The following SPIDR variants were observed in gnomAD, a reference collection of about 807,000 sequenced individuals.
SPIDR encodes the protein scaffold protein involved in DNA repair, also known as DNA repair-scaffolding protein.
A neutral mutation model predicts 104.6 loss-of-function variants in SPIDR; 93 were observed. The observed-to-expected ratio is 0.89, with a 90% confidence interval of 0.75 to 1.06. The LOEUF (loss-of-function observed/expected upper bound fraction) is 1.06. SPIDR is among the 50% of genes least tolerant of loss of function. SPIDR has a pLI of 0.00. For synonymous variants in SPIDR, 431 were observed against 416.9 expected, an observed-to-expected ratio of 1.03 and a Z score of -0.41; for missense variants, 1,154 against 1,111.2, an observed-to-expected ratio of 1.04 and a Z score of -0.55.
At chr8:47,697,697 T>C (rs2079546716) in intron 11 of SPIDR, 1 of 152,618 alleles carries the variant, frequency 6.6e-6, no homozygotes, top group South Asian at 2.1e-4. Flanking sequence ...CCATGTACCA[T>C]GCTGTCTCCT....
chr8:47,430,964 T>C (rs118107116), intron 7 of SPIDR, among the ~76,000 whole-genome samples: 2,082 of 152,340 alleles, frequency 0.014, 25 homozygotes, highest in Non-Finnish European at 0.019. Context: ...TGGTCATCAG[T>C]GTCAGTGTGT....
chr8:47,404,528 A>G (rs1397368973), intron 6 of SPIDR, among the ~76,000 whole-genome samples: 1 of 152,134 alleles, frequency 6.6e-6, no homozygotes, highest in African/African-American at 2.4e-5. Context: ...ACCCAATCAA[A>G]AAGTGGGCAA....
chr8:47,460,796 C>A (rs945016157), intron 8 of SPIDR, among the ~76,000 whole-genome samples: 9 of 152,096 alleles, frequency 5.9e-5, no homozygotes, highest in Non-Finnish European at 1.5e-5. Flanking sequence ...TCATGTGTTT[C>A]CAGGATTTGT....
chr8:47,685,325 G>GCA (rs1328837475), intron 11 of SPIDR, among the ~76,000 whole-genome samples: 1 of 152,044 alleles, frequency 6.6e-6, no homozygotes, highest in Non-Finnish European at 1.5e-5. Flanking sequence ...TTACCTTGCA[G>GCA]CACAGTAAGT....
chr8:47,401,150 C>T (rs1312430973), intron 6 of SPIDR, among the ~76,000 whole-genome samples: 2 of 152,184 alleles, frequency 1.3e-5, no homozygotes, highest in Non-Finnish European at 2.9e-5. Flanking sequence ...GGCAGACACT[C>T]TAGAAGCCAG....
chr8:47,311,990 A>G (rs2154255014), intron 5 of SPIDR, among the ~76,000 whole-genome samples: 1 of 151,982 alleles, frequency 6.6e-6, no homozygotes, highest in East Asian at 1.9e-4. Context: ...TGTCCTTGCG[A>G]TAGTTTGCTG....
intron 8 of SPIDR, chr8:47,511,856 C>T (rs1030392922): frequency 3.5e-5 from 29 of 838,714 alleles, no homozygotes; most frequent in African/African-American, 1.3e-4. Context: ...TCTGAGGCCC[C>T]GGCATAAAAC....
At chr8:47,727,720 TG>T (rs1290547519) in intron 17 of SPIDR, among the ~76,000 whole-genome samples, 26 of 152,354 alleles carry the variant, frequency 1.7e-4, no homozygotes, top group African/African-American at 6.0e-4. Context: ...CCTCAGGGTC[TG>T]GGCCAGTGTC....
intron 8 of SPIDR, among the ~76,000 whole-genome samples, chr8:47,524,904 C>T (rs1390027752): frequency 6.6e-6 from 1 of 152,124 alleles, no homozygotes; most frequent in South Asian, 2.1e-4. Context: ...ATTTCTGATA[C>T]AATTTAGTAA....
chr8:47,403,206 A>C (rs1450798611), intron 6 of SPIDR, among the ~76,000 whole-genome samples: 2 of 152,234 alleles, frequency 1.3e-5, no homozygotes, highest in Non-Finnish European at 2.9e-5. Flanking sequence ...GACATATCTC[A>C]AAATAATAAG....
At chr8:47,532,468 C>T (rs1033384829) in intron 8 of SPIDR, among the ~76,000 whole-genome samples, 1 of 152,168 alleles carries the variant, frequency 6.6e-6, no homozygotes, top group African/African-American at 2.4e-5. Context: ...CATTGATCAA[C>T]AGAAAGCTGG....
At chr8:47,465,687 G>C (rs2074649826) in intron 8 of SPIDR, among the ~76,000 whole-genome samples, 1 of 152,046 alleles carries the variant, frequency 6.6e-6, no homozygotes, top group African/African-American at 2.4e-5. Context: ...GCTGAGCCAG[G>C]ATCACACCAC....
At chr8:47,682,104 A>G (rs954726445) in intron 11 of SPIDR, among the ~76,000 whole-genome samples, 1 of 152,126 alleles carries the variant, frequency 6.6e-6, no homozygotes, top group Non-Finnish European at 1.5e-5. Flanking sequence ...ACCCCAATGC[A>G]AACAGAGAGA....
At chr8:47,405,247 T>C (rs1268806730) in intron 6 of SPIDR, among the ~76,000 whole-genome samples, 1 of 151,714 alleles carries the variant, frequency 6.6e-6, no homozygotes, top group Admixed American at 6.6e-5. Flanking sequence ...GAGAAATACC[T>C]AATGTAGATG....
Position 47,295,949 on chromosome 8 carries a change from G to A in SPIDR, c.525+1919G>A, listed in dbSNP as rs1481726826. Among the ~76,000 whole-genome samples, 6 of 152,194 alleles carry A rather than the reference G, an allele frequency of 3.9e-5. No individual in the cohort carries two copies. In the Middle Eastern group the frequency reaches 0.01, roughly 259 times the overall value. ...TTTTGCTACACACTCACCAACGCTT[G>A]TTATCTTTCATCTTTTTGATAGTCT... is the stretch of plus-strand genomic sequence containing the variant. On this transcript the variant is annotated intron_variant, in intron 5 of 19. Coordinates refer to ENST00000297423, the MANE Select transcript of SPIDR (RefSeq NM_001080394.4).
intron 7 of SPIDR, among the ~76,000 whole-genome samples, chr8:47,427,135 TACTC>T (rs1285579708): frequency 1.3e-5 from 2 of 151,962 alleles, no homozygotes; most frequent in African/African-American, 2.4e-5. Context: ...TATGATTAAA[TACTC>T]AGGATAACAC....
chr8:47,393,673 T>TTTTCCTTTCCTTTCCTTTCCTTTCC (rs143995416), intron 5 of SPIDR, among the ~76,000 whole-genome samples: 16 of 102,504 alleles, frequency 1.6e-4, no homozygotes, highest in African/African-American at 6.3e-4. Flanking sequence ...TCCCTTTCCT[T>TTTTCCTTTCCTTTCCTTTCCTTTCC]TTTCCTTTCC....
chr8:47,606,681 A>C (rs1588313493), intron 10 of SPIDR, among the ~76,000 whole-genome samples: 1 of 152,166 alleles, frequency 6.6e-6, no homozygotes, highest in East Asian at 1.9e-4. Flanking sequence ...ACAGTGGAGA[A>C]AGACTCTTGG....
intron 7 of SPIDR, among the ~76,000 whole-genome samples, chr8:47,433,048 T>A (rs2067641216): frequency 6.6e-6 from 1 of 152,184 alleles, no homozygotes; most frequent in South Asian, 2.1e-4. Context: ...AAAGAAATAT[T>A]TGTCTAGAAA....
Sources: allele counts gnomAD v4.1 joint callset (sites outside exome capture counted in the v4.1 genomes callset), GRCh38; gene constraint gnomAD v4.1.1; transcripts MANE v1.5; gene names NCBI Gene and HGNC (gene_info 2026-07-23, HGNC 2026-07-21).